Variants in CHODL observed in about 807,000 individuals in gnomAD.
The protein encoded by CHODL is chondrolectin, also known as transmembrane protein MT75.
Under a neutral mutation model 34.5 loss-of-function variants are expected in CHODL, and 29 were observed. That is an observed-to-expected ratio of 0.84 (90% CI 0.63 to 1.15). The LOEUF (loss-of-function observed/expected upper bound fraction) is 1.15, where lower values mean the gene tolerates loss of function less well. Among genes scored for constraint, CHODL ranks in the 50% most tolerant of loss-of-function variants. The pLI is 0.00. For missense variants in CHODL, 332 were observed against 332.5 expected (o/e 1.00, Z 0.01); for synonymous variants, 125 against 116.1 (o/e 1.08, Z -0.49).
intron 2 of CHODL, among the ~76,000 whole-genome samples, chr21:18,039,622 C>CT (rs2064351137): frequency 6.6e-6 from 1 of 151,654 alleles, no homozygotes; most frequent in Non-Finnish European, 1.5e-5. Flanking sequence ...GAGCCTTGAA[C>CT]TTGCTTTGAC....
intron 2 of CHODL, among the ~76,000 whole-genome samples, chr21:18,045,860 G>A (rs570945065): frequency 5.3e-5 from 8 of 151,938 alleles, no homozygotes; most frequent in African/African-American, 1.4e-4. Flanking sequence ...CTCCTCCAGC[G>A]GATGCAGTAA....
At chr21:18,209,378 C>T (rs779090325) in intron 2 of CHODL, among the ~76,000 whole-genome samples, 23 of 152,244 alleles carry the variant, frequency 1.5e-4, no homozygotes, top group Middle Eastern at 6.8e-3. Context: ...CTTCAGCCAG[C>T]TTATGGTAAA....
chr21:18,203,092 A>G (rs2073673243), intron 2 of CHODL, among the ~76,000 whole-genome samples: 1 of 152,158 alleles, frequency 6.6e-6, no homozygotes, highest in South Asian at 2.1e-4. Flanking sequence ...TTGCAAACCA[A>G]ACTAATTTTA....
intron 2 of CHODL, among the ~76,000 whole-genome samples, chr21:18,123,614 T>C (rs2065506712): frequency 6.6e-6 from 1 of 152,030 alleles, no homozygotes; most frequent in Non-Finnish European, 1.5e-5. Flanking sequence ...AGGGCTGAAT[T>C]TCATTATTTT....
rs77333592 is a variant in CHODL, at chr21:18,020,091, C to T, written c.-144-7781C>T. The stretch of plus-strand genomic sequence containing the variant: ...AGGGAAGGATGATAGTGAATAATTA[C>T]AAAGAATTACATGATATGAAGCAAA... On this transcript the variant is annotated intron_variant, in intron 1 of 6. Transcript: ENST00000400127. Among the ~76,000 whole-genome samples, 787 of 152,152 alleles carry T rather than the reference C, an allele frequency of 5.2e-3. 10 individuals are homozygous for T. Among genetic ancestry groups the T allele is most frequent in the African/African-American group, 0.018 (759 of 41,510 alleles).
At chr21:18,160,457 C>A (rs1444891820) in intron 2 of CHODL, among the ~76,000 whole-genome samples, 2 of 151,920 alleles carry the variant, frequency 1.3e-5, no homozygotes, top group Non-Finnish European at 2.9e-5. Flanking sequence ...ACCTAGTACC[C>A]ATTAGTTATT....
chr21:18,015,335 T>C (rs2064062124), intron 1 of CHODL, among the ~76,000 whole-genome samples: 1 of 152,198 alleles, frequency 6.6e-6, no homozygotes, highest in African/African-American at 2.4e-5. Flanking sequence ...TGTGTGAAGA[T>C]GTGCTTGCTT....
chr21:18,002,113 T>C (rs2063912533), intron 1 of CHODL, among the ~76,000 whole-genome samples: 2 of 152,152 alleles, frequency 1.3e-5, no homozygotes, highest in African/African-American at 4.8e-5. Flanking sequence ...AAATAAAACT[T>C]TAAAAACTTC....
intron 1 of CHODL, among the ~76,000 whole-genome samples, chr21:17,979,058 A>C (rs1379729681): frequency 6.6e-6 from 1 of 152,142 alleles, no homozygotes; most frequent in East Asian, 1.9e-4. Flanking sequence ...TTAAGGACTC[A>C]TGAAATTGGA....
In CHODL at chr21:18,171,618, G is replaced by T. The variant is rs2073232987; in HGVS notation, c.-44-84891G>T. On this transcript the variant is annotated intron_variant, in intron 2 of 6. Coordinates refer to the CHODL transcript ENST00000400127. ...TTCTACTGATTCATTCTTTTTCCTG[G>T]TATTGGGCCATTCGTCCTATTTCTT... Among the ~76,000 whole-genome samples the T allele has an allele frequency of 2.6e-5, 4 of 151,988 alleles. No homozygotes were observed. In the South Asian group the frequency reaches 8.3e-4, roughly 32 times the overall value.
intron 2 of CHODL, among the ~76,000 whole-genome samples, chr21:18,145,135 T>C (rs990516684): frequency 2.7e-5 from 4 of 150,846 alleles, no homozygotes. Flanking sequence ...ACATCTCTGC[T>C]CATTAGAAAG....
chr21:18,095,724 C>A (rs534997901), intron 2 of CHODL, among the ~76,000 whole-genome samples: 4 of 152,318 alleles, frequency 2.6e-5, no homozygotes, highest in Non-Finnish European at 5.9e-5. Context: ...AGGCCAATAT[C>A]TCTGATGAAT....
At position 17,978,457 on chromosome 21, in the gene CHODL, G is replaced by A. The variant is rs572345736; in HGVS notation, c.-144-49415G>A. Among the ~76,000 whole-genome samples, 66 of 150,656 alleles carry A rather than the reference G, an allele frequency of 4.4e-4. 1 individual carries two copies. The highest frequency in any genetic ancestry group is 1.9e-3 in the South Asian group (9 of 4,760). On this transcript the variant is annotated intron_variant, in intron 1 of 6. Coordinates refer to the CHODL transcript ENST00000400127. ...AAAAAGGCCGGGCGCGGTGGCGCACGCCTGTAATCCCAGCACTTTGGGAGG... is the reference window on the plus strand; with the variant it reads ...AAAAAGGCCGGGCGCGGTGGCGCACACCTGTAATCCCAGCACTTTGGGAGG...
At chr21:17,998,031 C>T (rs2063868280) in intron 1 of CHODL, among the ~76,000 whole-genome samples, 2 of 152,186 alleles carry the variant, frequency 1.3e-5, no homozygotes, top group Non-Finnish European at 2.9e-5. Flanking sequence ...CAAGGCAAGT[C>T]CCTTCCACCT....
At chr21:18,013,384 CAA>C (rs2064037225) in intron 1 of CHODL, among the ~76,000 whole-genome samples, 5 of 148,954 alleles carry the variant, frequency 3.4e-5, no homozygotes, top group African/African-American at 1.2e-4. Flanking sequence ...AGGAATTTCC[CAA>C]TTGTACAGTG....
At chr21:18,214,654 C>T (rs1187773244) in intron 2 of CHODL, among the ~76,000 whole-genome samples, 4 of 152,012 alleles carry the variant, frequency 2.6e-5, no homozygotes, top group African/African-American at 9.7e-5. Context: ...ATGGAAGAAC[C>T]AGGAACAGCA....
At chr21:18,134,476 A>G (rs2072696282) in intron 2 of CHODL, 1 of 447,242 alleles carries the variant, frequency 2.2e-6, no homozygotes, top group Non-Finnish European at 4.5e-6. Context: ...GACTGAATAC[A>G]TTGAACTGTA....
At chr21:18,134,219 C>T (rs1446624038) in intron 2 of CHODL, 4 of 454,098 alleles carry the variant, frequency 8.8e-6, no homozygotes, top group Non-Finnish European at 1.8e-5. Flanking sequence ...GGTTACCACT[C>T]TTTTGTTATC....
chr21:18,127,606 TA>T (rs1268794908), intron 2 of CHODL, among the ~76,000 whole-genome samples: 1 of 141,362 alleles, frequency 7.1e-6, no homozygotes, highest in African/African-American at 2.6e-5. Flanking sequence ...GCAAGGCAAC[TA>T]AAAAAATTCC....
Sources: gnomAD v4.1 joint callset for allele counts (sites outside exome capture counted in the v4.1 genomes callset) on GRCh38, gnomAD v4.1.1 for gene constraint, MANE v1.5 for transcripts, NCBI Gene and HGNC (gene_info 2026-07-23, HGNC 2026-07-21) for gene names.